The following CCDC171 variants were observed in gnomAD, a reference collection of about 807,000 sequenced individuals.
The protein encoded by CCDC171 is coiled-coil domain-containing protein 171.
CCDC171 carries 177 observed loss-of-function variants against 168.2 expected under a neutral mutation model. That is an observed-to-expected ratio of 1.05 (90% confidence interval 0.93 to 1.19). The LOEUF (loss-of-function observed/expected upper bound fraction) is 1.19. Ranked by LOEUF, CCDC171 falls within the 50% of genes most tolerant of loss-of-function variation. CCDC171 has a pLI of 0.00. For synonymous variants in CCDC171, 687 were observed against 540.8 expected, an observed-to-expected ratio of 1.27 and a Z score of -3.75; for missense variants, 1,991 against 1,539.0, an observed-to-expected ratio of 1.29 and a Z score of -4.91.
chr9:15,844,185 G>T (rs2060803397), intron 21 of CCDC171, among the ~76,000 whole-genome samples: 1 of 151,978 alleles, frequency 6.6e-6, no homozygotes, highest in African/African-American at 2.4e-5. Context: ...TTGTCATTCA[G>T]TTGGAAATAT....
At chr9:15,740,736 G>A (rs762311159) in intron 16 of CCDC171, among the ~76,000 whole-genome samples, 3 of 152,096 alleles carry the variant, frequency 2.0e-5, no homozygotes, top group Non-Finnish European at 4.4e-5. Flanking sequence ...CACCGTGCCC[G>A]GCCTTAATTA....
chr9:15,689,161 G>A (rs944307399), intron 10 of CCDC171, among the ~76,000 whole-genome samples: 27 of 152,152 alleles, frequency 1.8e-4, no homozygotes, highest in Admixed American at 1.7e-3. Context: ...GACAAAAGAA[G>A]CATAAAACTT....
chr9:16,025,007 G>A (rs959208532), intron 6 of CCDC171, among the ~76,000 whole-genome samples: 32 of 152,208 alleles, frequency 2.1e-4, no homozygotes, highest in Admixed American at 1.7e-3. Context: ...TACCTTGCTG[G>A]TGGGAATGTA....
At chr9:15,627,737 A>G (rs2045287142) in intron 7 of CCDC171, among the ~76,000 whole-genome samples, 1 of 152,198 alleles carries the variant, frequency 6.6e-6, no homozygotes, top group Non-Finnish European at 1.5e-5. Context: ...TTCACTTCCA[A>G]CTTTGTGGTC....
chr9:15,958,558 A>ATTATATTATG (rs1434941096), intron 25 of CCDC171, among the ~76,000 whole-genome samples: 1 of 148,280 alleles, frequency 6.7e-6, no homozygotes, highest in African/African-American at 2.5e-5. Flanking sequence ...ATTATATTAT[A>ATTATATTATG]TTATACAAGG....
chr9:15,578,119 T>A (rs1378064771), intron 3 of CCDC171, among the ~76,000 whole-genome samples: 1 of 152,214 alleles, frequency 6.6e-6, no homozygotes, highest in East Asian at 1.9e-4. Flanking sequence ...TGATGCAATT[T>A]GTTTATTGGT....
chr9:15,851,344 A>AT (rs1046646942), intron 23 of CCDC171, among the ~76,000 whole-genome samples: 1 of 151,756 alleles, frequency 6.6e-6, no homozygotes, highest in Admixed American at 6.6e-5. Flanking sequence ...AGAAATGTAA[A>AT]TTTTATATTA....
At chr9:15,695,708 T>TCATG (rs1273424332) in intron 11 of CCDC171, among the ~76,000 whole-genome samples, 1 of 152,174 alleles carries the variant, frequency 6.6e-6, no homozygotes, top group Non-Finnish European at 1.5e-5. Flanking sequence ...AACTTAAAGG[T>TCATG]CATGCATTTA....
At chr9:15,557,783 G>T (rs2038933046) in intron 1 of CCDC171, among the ~76,000 whole-genome samples, 1 of 152,096 alleles carries the variant, frequency 6.6e-6, no homozygotes. Flanking sequence ...TGTTGAATAG[G>T]AGTGGTGAGA....
At chr9:15,603,470 G>C (rs1317483230) in intron 6 of CCDC171, among the ~76,000 whole-genome samples, 3 of 151,996 alleles carry the variant, frequency 2.0e-5, no homozygotes, top group Admixed American at 6.6e-5. Flanking sequence ...TGTTCTCATT[G>C]TTCAGTTCCC....
exon 7 of CCDC171, chr9:16,035,470 T>C (rs1201730538): frequency 6.6e-6 from 1 of 152,206 alleles, no homozygotes; most frequent in East Asian, 1.9e-4. Context: ...CTGTGGCGAA[T>C]GTCACCACCT....
intron 24 of CCDC171, among the ~76,000 whole-genome samples, chr9:15,909,795 A>C (rs1219983037): frequency 6.6e-6 from 1 of 152,212 alleles, no homozygotes; most frequent in Admixed American, 6.5e-5. Flanking sequence ...TCCTGGTGCC[A>C]ATGAAGACAC....
rs944267110 is a variant in CCDC171 at position 15,568,559 on chromosome 9, C to T, written c.42-3065C>T. 9.9e-5 allele frequency among the ~76,000 whole-genome samples: 15 copies of T among 152,256 alleles called. No homozygotes were observed. In the South Asian group the frequency reaches 1.0e-3, roughly 11 times the overall value. ...TGCTGGGATTACAGGCGTGAGCCAC[C>T]GCACCCAGCCTTATTTTTTGACTTT... On this transcript the variant is annotated intron_variant, in intron 2 of 25. Coordinates refer to ENST00000380701, the MANE Select transcript of CCDC171 (RefSeq NM_173550.4).
intron 12 of CCDC171, among the ~76,000 whole-genome samples, chr9:15,722,710 A>T (rs538819151): frequency 6.6e-6 from 1 of 152,308 alleles, no homozygotes; most frequent in African/African-American, 2.4e-5. Context: ...TTCACATTTC[A>T]TATGCGGCTT....
chr9:15,857,203 T>A (rs538566335), intron 23 of CCDC171, among the ~76,000 whole-genome samples: 11 of 151,988 alleles, frequency 7.2e-5, no homozygotes, highest in East Asian at 1.9e-4. Flanking sequence ...TATTATTATT[T>A]TTTGCTAGGC....
At chr9:15,692,488 T>C (rs781189131) in intron 10 of CCDC171, among the ~76,000 whole-genome samples, 129 of 152,112 alleles carry the variant, frequency 8.5e-4, no homozygotes, top group Non-Finnish European at 1.7e-3. Flanking sequence ...ATCTCTCTCT[T>C]AATCATCCAG....
chr9:15,828,337 A>AG (rs1418686361), intron 21 of CCDC171, among the ~76,000 whole-genome samples: 2 of 151,620 alleles, frequency 1.3e-5, no homozygotes, highest in Admixed American at 6.6e-5. Flanking sequence ...GATACAGAAA[A>AG]AAAAAAACAG....
At chr9:15,578,109 T>C (rs1029345988) in intron 3 of CCDC171, among the ~76,000 whole-genome samples, 2 of 152,190 alleles carry the variant, frequency 1.3e-5, no homozygotes, top group African/African-American at 4.8e-5. Context: ...AACTATACTT[T>C]GATGCAATTT....
chr9:15,747,167 C>T (rs919582538), intron 18 of CCDC171, among the ~76,000 whole-genome samples: 15 of 152,150 alleles, frequency 9.9e-5, no homozygotes, highest in South Asian at 2.1e-4. Context: ...CGGAGCCTAC[C>T]GCAGCTCAGC....
Sources: gnomAD v4.1 joint callset for allele counts (sites outside exome capture counted in the v4.1 genomes callset) on GRCh38, gnomAD v4.1.1 for gene constraint, MANE v1.5 for transcripts, NCBI Gene and HGNC (gene_info 2026-07-23, HGNC 2026-07-21) for gene names.